MCTP2: variants seen among roughly 807,000 people sequenced by gnomAD.
MCTP2 encodes the protein multiple C2 and transmembrane domain-containing protein 2.
In MCTP2, 132 loss-of-function variants were observed where a neutral mutation model predicts 111.6. That is an observed-to-expected ratio of 1.18 (90% CI 1.03 to 1.37). The LOEUF (loss-of-function observed/expected upper bound fraction) is 1.37, where lower values mean the gene tolerates loss of function less well. Ranked by LOEUF, MCTP2 falls within the 40% of genes most tolerant of loss-of-function variation. MCTP2 has a pLI of 0.00. For synonymous variants in MCTP2, 395 were observed against 387.7 expected (o/e 1.02, Z -0.22); for missense variants, 1,183 against 1,067.9 (o/e 1.11, Z -1.50).
At chr15:94,323,283 G>C (rs1394739197) in intron 4 of MCTP2, among the ~76,000 whole-genome samples, 4 of 152,260 alleles carry the variant, frequency 2.6e-5, no homozygotes, top group African/African-American at 9.6e-5. Flanking sequence ...GGACACCTCA[G>C]GGTCTTTAGC....
intron 17 of MCTP2, among the ~76,000 whole-genome samples, chr15:94,409,668 C>T (rs956763182): frequency 6.6e-6 from 1 of 151,938 alleles, no homozygotes; most frequent in East Asian, 1.9e-4. Flanking sequence ...TGTTTGACTA[C>T]CACCTTCTTC....
At chr15:94,464,246 A>ATTATATATATATAT (rs1555481356) in intron 20 of MCTP2, among the ~76,000 whole-genome samples, 2 of 60,392 alleles carry the variant, frequency 3.3e-5, no homozygotes, top group Non-Finnish European at 6.8e-5. Context: ...TATAATATAT[A>ATTATATATATATAT]TATATATATA....
intron 1 of MCTP2, among the ~76,000 whole-genome samples, chr15:94,234,796 C>T (rs1387158445): frequency 6.6e-6 from 1 of 152,180 alleles, no homozygotes; most frequent in African/African-American, 2.4e-5. Context: ...GTCAAGAACT[C>T]CCAGTCTCAT....
intron 17 of MCTP2, among the ~76,000 whole-genome samples, chr15:94,434,571 T>G (rs1400339657): frequency 6.6e-6 from 1 of 152,162 alleles, no homozygotes; most frequent in East Asian, 1.9e-4. Context: ...AGGTGATTTT[T>G]TTTCCCCATA....
At chr15:94,460,341 A>T (rs1457626494) in intron 20 of MCTP2, among the ~76,000 whole-genome samples, 1 of 152,222 alleles carries the variant, frequency 6.6e-6, no homozygotes, top group Non-Finnish European at 1.5e-5. Flanking sequence ...AAACGCTCAA[A>T]GCCCAAGACT....
chr15:94,235,024 G>A (rs1022958767), intron 1 of MCTP2, among the ~76,000 whole-genome samples: 47 of 152,230 alleles, frequency 3.1e-4, no homozygotes, highest in Non-Finnish European at 4.4e-5. Flanking sequence ...GGCCGAGTTG[G>A]GTGGATCACC....
chr15:94,424,969 T>G (rs1187038779), intron 17 of MCTP2, among the ~76,000 whole-genome samples: 1 of 152,138 alleles, frequency 6.6e-6, no homozygotes, highest in African/African-American at 2.4e-5. Flanking sequence ...GGTTTCTATT[T>G]TTTTCATGCT....
At chr15:94,295,558 C>T (rs551917565) in intron 1 of MCTP2, among the ~76,000 whole-genome samples, 105 of 152,190 alleles carry the variant, frequency 6.9e-4, no homozygotes, top group African/African-American at 2.4e-3. Flanking sequence ...CAGCAGCAGC[C>T]GCTGCATGAC....
At chr15:94,335,301 T>C (rs1170238053) in intron 4 of MCTP2, among the ~76,000 whole-genome samples, 1 of 152,218 alleles carries the variant, frequency 6.6e-6, no homozygotes, top group Non-Finnish European at 1.5e-5. Context: ...AAGAAAAGAA[T>C]ATAAAATCAG....
At chr15:94,374,645 T>C (rs2079659867) in intron 12 of MCTP2, among the ~76,000 whole-genome samples, 1 of 152,204 alleles carries the variant, frequency 6.6e-6, no homozygotes, top group South Asian at 2.1e-4. Flanking sequence ...AAAATAATTA[T>C]TGTAAGAGAC....
At chr15:94,421,126 T>A (rs954488914) in intron 17 of MCTP2, among the ~76,000 whole-genome samples, 8 of 152,134 alleles carry the variant, frequency 5.3e-5, no homozygotes, top group African/African-American at 1.9e-4. Context: ...TGAACTGTTT[T>A]TAATTAAAGT....
intron 21 of MCTP2, among the ~76,000 whole-genome samples, chr15:94,475,827 A>G (rs1332366461): frequency 1.3e-4 from 20 of 152,180 alleles, no homozygotes; most frequent in Admixed American, 1.3e-3. Flanking sequence ...AACCAGGGGC[A>G]GAGCGTGTCC....
intron 12 of MCTP2, among the ~76,000 whole-genome samples, chr15:94,381,847 A>G (rs998997944): frequency 5.9e-5 from 9 of 152,232 alleles, no homozygotes; most frequent in Non-Finnish European, 1.0e-4. Context: ...TTCCCCTGCA[A>G]ACCACATGGC....
chr15:94,443,044 TCTC>T (rs1277090922), intron 19 of MCTP2, 84 bp downstream of exon 19: 50 of 835,288 alleles, frequency 6.0e-5, no homozygotes, highest in Admixed American at 2.6e-4. Flanking sequence ...GTCTCTCTCC[TCTC>T]TTTTTTTTTT....
intron 10 of MCTP2, among the ~76,000 whole-genome samples, chr15:94,359,962 A>G (rs1255999664): frequency 6.6e-6 from 1 of 152,166 alleles, no homozygotes; most frequent in East Asian, 1.9e-4. Context: ...ACTGTCTGGC[A>G]TGTTGCAGGA....
intron 20 of MCTP2, among the ~76,000 whole-genome samples, chr15:94,462,242 A>G (rs542721817): frequency 1.3e-5 from 2 of 152,318 alleles, no homozygotes; most frequent in South Asian, 4.1e-4. Flanking sequence ...GTGGGCTGAA[A>G]TTTAGAAAAC....
At chr15:94,303,948 G>A (rs1233251347) in intron 2 of MCTP2, among the ~76,000 whole-genome samples, 1 of 152,152 alleles carries the variant, frequency 6.6e-6, no homozygotes, top group East Asian at 1.9e-4. Context: ...AACAGGAAGA[G>A]GAGGTAGAAA....
Position 94,358,468 on chromosome 15 carries a change from T to C in MCTP2, c.1171-14T>C. Reference sequence around the variant, plus strand: ...ATTTTAAGAAAATAAATATTATAACTGCATGTTTTCTAGACACTGTGTAAG... The same window carrying C: ...ATTTTAAGAAAATAAATATTATAACCGCATGTTTTCTAGACACTGTGTAAG... On this transcript the variant is annotated splice_polypyrimidine_tract_variant and intron_variant, in intron 9 of 22. Transcript: ENST00000357742. 1 of 1,603,496 alleles carries C rather than the reference T, an allele frequency of 6.2e-7. No homozygotes were observed. The highest frequency in any genetic ancestry group is 8.5e-7 in the Non-Finnish European group (1 of 1,175,252).
At chr15:94,296,471 T>C (rs1039364050) in intron 1 of MCTP2, among the ~76,000 whole-genome samples, 1 of 152,214 alleles carries the variant, frequency 6.6e-6, no homozygotes, top group African/African-American at 2.4e-5. Context: ...TTTCTGTGTA[T>C]TAGTCCATTC....
Sources: gnomAD v4.1 joint callset for allele counts (sites outside exome capture counted in the v4.1 genomes callset) on GRCh38, gnomAD v4.1.1 for gene constraint, MANE v1.5 for transcripts, NCBI Gene and HGNC (gene_info 2026-07-23, HGNC 2026-07-21) for gene names.